Variants in USH2A observed in about 807,000 individuals in gnomAD.
USH2A encodes Usher syndrome 2A (autosomal recessive, mild).
Under a neutral mutation model 538.9 loss-of-function variants are expected in USH2A, and 443 were observed. That is an observed-to-expected ratio of 0.82 (90% CI 0.76 to 0.89). The LOEUF (loss-of-function observed/expected upper bound fraction) is 0.89, where lower values mean the gene tolerates loss of function less well. USH2A is among the 40% of genes least tolerant of loss of function. The probability of loss-of-function intolerance (pLI) is 0.00; values close to 1 mark genes in which losing one functional copy is unlikely to be tolerated. For synonymous variants in USH2A, 2,413 were observed against 2,273.5 expected (o/e 1.06, Z -1.75); for missense variants, 6,633 against 6,324.8 (o/e 1.05, Z -1.65).
chr1:215,974,092 A>G (rs1020121714), intron 35 of USH2A, among the ~76,000 whole-genome samples: 2 of 152,104 alleles, frequency 1.3e-5, no homozygotes, highest in African/African-American at 4.8e-5. Context: ...ACACACACAC[A>G]TCATATTAAG....
chr1:215,682,819 T>C (rs1658282415), intron 61 of USH2A, among the ~76,000 whole-genome samples: 1 of 152,030 alleles, frequency 6.6e-6, no homozygotes, highest in Admixed American at 6.6e-5. Context: ...ATCATGAAAT[T>C]ATACTGAGGA....
At chr1:216,229,270 C>T (rs1237818639) in intron 14 of USH2A, among the ~76,000 whole-genome samples, 1 of 151,840 alleles carries the variant, frequency 6.6e-6, no homozygotes, top group Admixed American at 6.6e-5. Context: ...CTCCAACCTG[C>T]CCCTCATTCT....
chr1:216,008,804 C>T (rs1219534782), intron 32 of USH2A, among the ~76,000 whole-genome samples: 2 of 152,094 alleles, frequency 1.3e-5, no homozygotes, highest in Non-Finnish European at 2.9e-5. Context: ...ATTTCAATTC[C>T]TTTCATTTTC....
chr1:216,279,664 C>T lies in USH2A; in HGVS notation c.1971+9616G>A, dbSNP rs547750538. ...GTGCATTAAAAGTTTGAGGACTACC[C>T]TAGCTGATGACCACCATCTTGACTA... is the stretch of plus-strand genomic sequence containing the variant. On this transcript the variant is annotated intron_variant, in intron 11 of 71. Coordinates refer to ENST00000307340, the MANE Select transcript of USH2A (RefSeq NM_206933.4). Among the ~76,000 whole-genome samples the T allele has an allele frequency of 1.1e-3, 164 of 152,088 alleles. 1 individual carries two copies. The highest frequency in any genetic ancestry group is 2.0e-3 in the Non-Finnish European group (137 of 68,008).
chr1:216,315,103 G>A (rs541223492), intron 9 of USH2A, among the ~76,000 whole-genome samples: 5 of 152,208 alleles, frequency 3.3e-5, no homozygotes, highest in Admixed American at 6.5e-5. Context: ...GAAAGTACTA[G>A]ATAAGAAAAA....
At chr1:216,110,898 C>T (rs957209877) in intron 21 of USH2A, among the ~76,000 whole-genome samples, 1 of 152,126 alleles carries the variant, frequency 6.6e-6, no homozygotes, top group Admixed American at 6.5e-5. Context: ...CTACTACCAC[C>T]ACCAGACTGT....
intron 3 of USH2A, among the ~76,000 whole-genome samples, chr1:216,374,460 T>C (rs2669050): frequency 0.63 from 95,871 of 151,874 alleles, 31,547 homozygotes; most frequent in East Asian, 0.84. Flanking sequence ...ATGTCTTACA[T>C]CATTTCTATT....
chr1:216,106,930 T>G (rs1271924932), intron 21 of USH2A, among the ~76,000 whole-genome samples: 3 of 151,888 alleles, frequency 2.0e-5, no homozygotes, highest in Admixed American at 2.0e-4. Flanking sequence ...AATTTCCAGA[T>G]AGCATTTTCA....
At chr1:216,251,441 C>CTTT (rs2036159905) in intron 11 of USH2A, among the ~76,000 whole-genome samples, 1 of 109,916 alleles carries the variant, frequency 9.1e-6, no homozygotes, top group Non-Finnish European at 2.0e-5. Context: ...CACCACTTCC[C>CTTT]CTTTTTTTTT....
intron 32 of USH2A, among the ~76,000 whole-genome samples, chr1:216,035,176 C>T (rs1436772): frequency 6.6e-6 from 1 of 152,176 alleles, no homozygotes; most frequent in Admixed American, 6.5e-5. Flanking sequence ...TAGAGTTACA[C>T]GTTGAATTGT....
chr1:216,302,840 T>C (rs1398794154), intron 9 of USH2A, among the ~76,000 whole-genome samples: 2 of 152,030 alleles, frequency 1.3e-5, no homozygotes, highest in Non-Finnish European at 1.5e-5. Flanking sequence ...AAACAGAAAC[T>C]CTAGGCAGGA....
intron 3 of USH2A, among the ~76,000 whole-genome samples, chr1:216,387,862 A>C (rs1044269669): frequency 6.6e-5 from 10 of 152,022 alleles, no homozygotes; most frequent in Non-Finnish European, 1.5e-4. Flanking sequence ...CCCCATTATT[A>C]CACTGTCTGA....
At chr1:215,828,477 T>G (rs1663219213) in intron 47 of USH2A, among the ~76,000 whole-genome samples, 1 of 152,034 alleles carries the variant, frequency 6.6e-6, no homozygotes, top group Admixed American at 6.6e-5. Context: ...TATATAGATA[T>G]TCATTAATAA....
At chr1:215,874,768 G>T (rs1333881991) in intron 43 of USH2A, among the ~76,000 whole-genome samples, 1 of 152,146 alleles carries the variant, frequency 6.6e-6, no homozygotes, top group African/African-American at 2.4e-5. Context: ...ACACTTCAGT[G>T]CTCCTTTTAT....
intron 64 of USH2A, among the ~76,000 whole-genome samples, chr1:215,667,122 C>G (rs1657631316): frequency 6.6e-6 from 1 of 151,998 alleles, no homozygotes; most frequent in Admixed American, 6.6e-5. Context: ...TTGCTGGGGT[C>G]CCTTCCCATT....
In USH2A at chr1:215,674,471, C is replaced by T. The variant is rs111033378; in HGVS notation, c.13440G>A (p.Arg4480=). 11,384 of 1,614,158 alleles carry T rather than the reference C, an allele frequency of 7.1e-3. 50 individuals are homozygous for T. The highest frequency in any genetic ancestry group is 8.9e-3 in the Non-Finnish European group (10,453 of 1,180,020). Residue 4480 remains arginine (R), a synonymous_variant, in exon 63 of 72, where the codon AGG becomes AGA. Coordinates refer to ENST00000307340, the MANE Select transcript of USH2A (RefSeq NM_206933.4). ...CTGTATATACAATGGTTCCATCCCT[C>T]CTAAGTTCATAACTTCTGATCTGGC... The part of the protein sequence containing the change: ...PNGQIRSYEL[R]RDGTIVYTGL...
intron 3 of USH2A, among the ~76,000 whole-genome samples, chr1:216,407,884 G>T (rs1342381342): frequency 1.3e-5 from 2 of 150,934 alleles, no homozygotes; most frequent in Admixed American, 1.3e-4. Flanking sequence ...TTACAAATTT[G>T]ACAGAATTAC....
At chr1:216,270,205 G>A (rs2036549271) in intron 11 of USH2A, among the ~76,000 whole-genome samples, 1 of 152,014 alleles carries the variant, frequency 6.6e-6, no homozygotes, top group Non-Finnish European at 1.5e-5. Flanking sequence ...ATGTTCTATA[G>A]ATTACATCTT....
intron 11 of USH2A, among the ~76,000 whole-genome samples, chr1:216,261,762 C>T (rs2036377942): frequency 6.6e-6 from 1 of 152,088 alleles, no homozygotes; most frequent in South Asian, 2.1e-4. Flanking sequence ...ATCCACTGAA[C>T]ACTCATGCCC....
Sources: allele counts gnomAD v4.1 joint callset (sites outside exome capture counted in the v4.1 genomes callset), GRCh38; gene constraint gnomAD v4.1.1; transcripts MANE v1.5; gene names NCBI Gene and HGNC (gene_info 2026-07-23, HGNC 2026-07-21).